Variants in KCNIP4 observed in about 807,000 individuals in gnomAD.
KCNIP4 encodes Kv channel-interacting protein 4.
A neutral mutation model predicts 34.0 loss-of-function variants in KCNIP4; 12 were observed. That is an observed-to-expected ratio of 0.35 (90% CI 0.23 to 0.57). The LOEUF is 0.57. KCNIP4 is among the 20% of genes least tolerant of loss of function. The pLI is 0.83. For missense variants in KCNIP4, 238 were observed against 311.7 expected, an observed-to-expected ratio of 0.76 and a Z score of 1.78; for synonymous variants, 124 against 102.2, an observed-to-expected ratio of 1.21 and a Z score of -1.29.
chr4:21,054,890 G>A, intron 1 of KCNIP4, among the ~76,000 whole-genome samples: 1 of 152,074 alleles, frequency 6.6e-6, no homozygotes, highest in East Asian at 1.9e-4. Context: ...GCAAAGGCAT[G>A]ATCTATGTTG....
At chr4:21,450,549 T>C (rs962423111) in intron 1 of KCNIP4, among the ~76,000 whole-genome samples, 1 of 151,980 alleles carries the variant, frequency 6.6e-6, no homozygotes, top group Non-Finnish European at 1.5e-5. Flanking sequence ...TGAAAAAAGA[T>C]GACGAAGTAA....
intron 1 of KCNIP4, among the ~76,000 whole-genome samples, chr4:21,869,865 A>G (rs890992534): frequency 1.3e-5 from 2 of 152,090 alleles, no homozygotes; most frequent in Non-Finnish European, 2.9e-5. Context: ...CAACACACAT[A>G]CAAGCCTGAT....
At chr4:21,689,470 AG>A (rs1751081884) in intron 1 of KCNIP4, among the ~76,000 whole-genome samples, 1 of 151,576 alleles carries the variant, frequency 6.6e-6, no homozygotes, top group African/African-American at 2.4e-5. Flanking sequence ...TTGTGAGGTT[AG>A]GAATTAAAAG....
At chr4:20,851,999 C>A (rs564708709) in intron 2 of KCNIP4, among the ~76,000 whole-genome samples, 2 of 151,882 alleles carry the variant, frequency 1.3e-5, no homozygotes, top group African/African-American at 4.8e-5. Flanking sequence ...TGGGTGACAG[C>A]ATGAGACCCT....
At chr4:20,868,570 A>C (rs1484693303) in intron 2 of KCNIP4, among the ~76,000 whole-genome samples, 2 of 152,124 alleles carry the variant, frequency 1.3e-5, no homozygotes, top group East Asian at 3.9e-4. Flanking sequence ...TCACAATAGC[A>C]AAGAAGTGGA....
intron 1 of KCNIP4, among the ~76,000 whole-genome samples, chr4:21,298,612 A>G (rs1763979154): frequency 6.6e-6 from 1 of 152,128 alleles, no homozygotes; most frequent in East Asian, 1.9e-4. Flanking sequence ...TTTGAGAATA[A>G]ACATTTCTGT....
chr4:21,560,832 G>A (rs1193338425), intron 1 of KCNIP4, among the ~76,000 whole-genome samples: 2 of 151,856 alleles, frequency 1.3e-5, no homozygotes, highest in Non-Finnish European at 2.9e-5. Flanking sequence ...TAACCCTCTA[G>A]GAGGGTTCAG....
chr4:21,702,727 G>C (rs1443506935), intron 1 of KCNIP4, among the ~76,000 whole-genome samples: 1 of 151,840 alleles, frequency 6.6e-6, no homozygotes, highest in African/African-American at 2.4e-5. Context: ...ATAGACAAGA[G>C]TTATACTTCA....
At chr4:21,385,607 G>T (rs1471732779) in intron 1 of KCNIP4, among the ~76,000 whole-genome samples, 1 of 152,064 alleles carries the variant, frequency 6.6e-6, no homozygotes, top group African/African-American at 2.4e-5. Context: ...AATAGCAAAA[G>T]GATTCACATA....
chr4:21,442,487 T>C (rs184027142), intron 1 of KCNIP4, among the ~76,000 whole-genome samples: 1 of 152,218 alleles, frequency 6.6e-6, no homozygotes, highest in African/African-American at 2.4e-5. Context: ...GTTAGCTAGG[T>C]TGATAATGAT....
intron 3 of KCNIP4, among the ~76,000 whole-genome samples, chr4:20,829,696 TAG>T (rs1248955405): frequency 6.6e-6 from 1 of 152,220 alleles, no homozygotes; most frequent in East Asian, 1.9e-4. Flanking sequence ...TGATAATCAC[TAG>T]CTTGAACCAC....
At chr4:21,402,880 CAA>C (rs1408835720) in intron 1 of KCNIP4, among the ~76,000 whole-genome samples, 1 of 152,076 alleles carries the variant, frequency 6.6e-6, no homozygotes, top group Non-Finnish European at 1.5e-5. Flanking sequence ...TTAAAAAAAA[CAA>C]AAGACTTCCA....
intron 3 of KCNIP4, among the ~76,000 whole-genome samples, chr4:20,761,562 T>C (rs953448249): frequency 6.6e-6 from 1 of 152,144 alleles, no homozygotes; most frequent in African/African-American, 2.4e-5. Flanking sequence ...AATACCTGGC[T>C]CTCTGCCATC....
At chr4:21,402,087 C>A (rs924301029) in intron 1 of KCNIP4, among the ~76,000 whole-genome samples, 2 of 152,154 alleles carry the variant, frequency 1.3e-5, no homozygotes, top group African/African-American at 4.8e-5. Context: ...ACTTCTAAAA[C>A]GCATATACTT....
At chr4:21,372,431 GATGTGTATATAT>G (rs1382945829) in intron 1 of KCNIP4, among the ~76,000 whole-genome samples, 5 of 81,592 alleles carry the variant, frequency 6.1e-5, no homozygotes, top group Admixed American at 1.3e-4. Context: ...TATAGATATA[GATGTGTATATAT>G]ATGTGTGTAT....
At chr4:21,489,557 C>T (rs575039885) in intron 1 of KCNIP4, among the ~76,000 whole-genome samples, 1 of 152,142 alleles carries the variant, frequency 6.6e-6, no homozygotes, top group Non-Finnish European at 1.5e-5. Context: ...CATCTTTTAT[C>T]TTTATTTTTC....
chr4:21,872,570 T>A (rs544954477), intron 1 of KCNIP4, among the ~76,000 whole-genome samples: 1 of 152,104 alleles, frequency 6.6e-6, no homozygotes, highest in Admixed American at 6.6e-5. Context: ...TTAGAATACA[T>A]GAAGAAAGGA....
chr4:21,114,427 T>C (rs1368431452), intron 1 of KCNIP4, among the ~76,000 whole-genome samples: 1 of 152,170 alleles, frequency 6.6e-6, no homozygotes, highest in Non-Finnish European at 1.5e-5. Flanking sequence ...AAAATGCATG[T>C]GTTGCTTTTA....
intron 1 of KCNIP4, among the ~76,000 whole-genome samples, chr4:21,933,254 T>C (rs920983741): frequency 1.3e-5 from 2 of 152,042 alleles, no homozygotes; most frequent in African/African-American, 4.8e-5. Context: ...TTAAAACCTG[T>C]GATCACTTCT....
Sources: gnomAD v4.1 joint callset for allele counts (sites outside exome capture counted in the v4.1 genomes callset) on GRCh38, gnomAD v4.1.1 for gene constraint, MANE v1.5 for transcripts, NCBI Gene and HGNC (gene_info 2026-07-23, HGNC 2026-07-21) for gene names.